The following DLEU7 variants were observed in gnomAD, a reference collection of about 807,000 sequenced individuals.
The protein encoded by DLEU7 is deleted in lymphocytic leukemia 7, also known as leukemia-associated protein 7.
A neutral mutation model predicts 16.0 loss-of-function variants in DLEU7; 17 were observed. The ratio of observed to expected loss-of-function variants is 1.06; its 90% CI spans 0.73 to 1.59. The LOEUF is 1.59. Among genes scored for constraint, DLEU7 ranks in the 40% most tolerant of loss-of-function variants. The pLI, the probability that DLEU7 is intolerant of heterozygous loss-of-function variation, is 0.00. For synonymous variants in DLEU7, 113 were observed against 139.8 expected (o/e 0.81, Z 1.35); for missense variants, 308 against 314.9 (o/e 0.98, Z 0.17).
intron 1 of DLEU7, among the ~76,000 whole-genome samples, chr13:50,768,691 A>T (rs1172560680): frequency 6.6e-6 from 1 of 152,166 alleles, no homozygotes; most frequent in Non-Finnish European, 1.5e-5. Context: ...TCATTTATGG[A>T]CATTTGGGTT....
At chr13:50,716,387 T>A (rs1445398187) in intron 1 of DLEU7, among the ~76,000 whole-genome samples, 1 of 152,236 alleles carries the variant, frequency 6.6e-6, no homozygotes, top group Non-Finnish European at 1.5e-5. Context: ...ATTATTTACA[T>A]GGAATAATGC....
intron 1 of DLEU7, among the ~76,000 whole-genome samples, chr13:50,730,539 C>T (rs865791854): frequency 2.2e-4 from 33 of 152,188 alleles, no homozygotes; most frequent in Middle Eastern, 3.4e-3. Flanking sequence ...GAGAGCAGTG[C>T]TTCCTCTAGA....
intron 1 of DLEU7, among the ~76,000 whole-genome samples, chr13:50,803,389 T>C (rs1157969315): frequency 6.6e-6 from 1 of 152,184 alleles, no homozygotes; most frequent in African/African-American, 2.4e-5. Context: ...TTTATTAGGT[T>C]GTTAGACATT....
chr13:50,817,167 C>A (rs1876759631), intron 1 of DLEU7, among the ~76,000 whole-genome samples: 1 of 152,024 alleles, frequency 6.6e-6, no homozygotes, highest in Non-Finnish European at 1.5e-5. Flanking sequence ...AAGTCTCCAC[C>A]AAGTCAAGGG....
intron 1 of DLEU7, among the ~76,000 whole-genome samples, chr13:50,729,315 G>A (rs142218724): frequency 1.3e-5 from 2 of 152,266 alleles, no homozygotes; most frequent in African/African-American, 4.8e-5. Context: ...AGTTCACTTA[G>A]GATAGTGACC....
intron 1 of DLEU7, among the ~76,000 whole-genome samples, chr13:50,746,954 T>C (rs1566236750): frequency 2.0e-5 from 3 of 150,912 alleles, no homozygotes; most frequent in Admixed American, 1.3e-4. Flanking sequence ...TTGTGGAACG[T>C]ACACACACAC....
At chr13:50,781,168 C>T (rs1803411372) in intron 1 of DLEU7, among the ~76,000 whole-genome samples, 1 of 152,206 alleles carries the variant, frequency 6.6e-6, no homozygotes, top group African/African-American at 2.4e-5. Context: ...ACTAAAACCT[C>T]TATACACTCA....
chr13:50,713,158 G>C, exon 2 of DLEU7: 13 of 1,587,880 alleles, frequency 8.2e-6, no homozygotes, highest in Non-Finnish European at 1.0e-5. Context: ...TCAGAATTTG[G>C]CACTGGTTAT....
rs1876118101 is a variant in DLEU7, at chr13:50,796,720, G to A, written c.459+46468C>T. ...AGGAAGTGAGGTGTGCTACTTCCAG[G>A]CCTGCTTATGAAAACCTCTTATGTC... On this transcript the variant is annotated intron_variant, in intron 1 of 1. Transcript: ENST00000400393. Among the ~76,000 whole-genome samples the A allele has an allele frequency of 3.3e-5, 5 of 152,050 alleles. No homozygotes were observed. The South Asian group carries it at 1.0e-3, about 32-fold the overall frequency.
chr13:50,745,528 C>T (rs1874368864), intron 1 of DLEU7, among the ~76,000 whole-genome samples: 1 of 152,000 alleles, frequency 6.6e-6, no homozygotes, highest in Non-Finnish European at 1.5e-5. Flanking sequence ...AAGCCATACA[C>T]TTAGAGGTAG....
chr13:50,799,232 A>G (rs928486581), intron 1 of DLEU7, among the ~76,000 whole-genome samples: 1 of 152,198 alleles, frequency 6.6e-6, no homozygotes, highest in African/African-American at 2.4e-5. Context: ...TACAACCTTC[A>G]AATAACACAG....
chr13:50,820,289 TAAG>T (rs1397703048), downstream of DLEU7, among the ~76,000 whole-genome samples: 1 of 151,204 alleles, frequency 6.6e-6, no homozygotes, highest in African/African-American at 2.4e-5. Flanking sequence ...GTTTTGCTGT[TAAG>T]AGGAGCAAAA....
intron 1 of DLEU7, among the ~76,000 whole-genome samples, chr13:50,834,722 A>G (rs1292318532): frequency 1.3e-5 from 2 of 152,196 alleles, no homozygotes; most frequent in Admixed American, 6.5e-5. Context: ...AGGTCATTCT[A>G]CTATAAACAC....
rs58395582 is a variant in DLEU7 at position 50,732,606 on chromosome 13, C to CAAAAAAAAAAAAAA, written c.460-19380_460-19367dup. On this transcript the variant is annotated intron_variant, in intron 1 of 1. Coordinates refer to the DLEU7 transcript ENST00000400393. The stretch of plus-strand genomic sequence containing the variant: ...CAGGCAACAGTATGAGACTCCATCT[C>CAAAAAAAAAAAAAA]AAAAAAAAAAAAAAAAAAAAGCTTA... 9.3e-4 allele frequency among the ~76,000 whole-genome samples: 61 copies of CAAAAAAAAAAAAAA among 65,918 alleles called. 5 individuals are homozygous for CAAAAAAAAAAAAAA. The highest frequency in any genetic ancestry group is 1.4e-3 in the South Asian group (2 of 1,480). The allele number at this position is 65,918 out of a possible 152,430, so 43.2% of individuals were successfully genotyped here.
chr13:50,767,443 G>A (rs1055063759), intron 1 of DLEU7, among the ~76,000 whole-genome samples: 7 of 128,882 alleles, frequency 5.4e-5, no homozygotes, highest in Admixed American at 8.4e-5. Context: ...GCGACAGAGC[G>A]AGACTCCGTC....
At chr13:50,732,278 C>T (rs1198572405) in intron 1 of DLEU7, among the ~76,000 whole-genome samples, 1 of 152,108 alleles carries the variant, frequency 6.6e-6, no homozygotes, top group Non-Finnish European at 1.5e-5. Context: ...TTTTAGTGAT[C>T]TCCATCACGT....
intron 1 of DLEU7, among the ~76,000 whole-genome samples, chr13:50,800,400 C>CA (rs1467707238): frequency 4.9e-4 from 75 of 152,204 alleles, no homozygotes; most frequent in African/African-American, 1.7e-3. Flanking sequence ...CCTTCAGTTT[C>CA]AAAAAATACA....
chr13:50,823,600 A>C, intron 1 of DLEU7, 80 bp from the exon 2 acceptor site: 1 of 1,473,502 alleles, frequency 6.8e-7, no homozygotes, highest in Non-Finnish European at 9.1e-7. Flanking sequence ...CCCAGCTTCC[A>C]TTCTTTTCTC....
At chr13:50,770,088 A>G (rs1875248903) in intron 1 of DLEU7, among the ~76,000 whole-genome samples, 1 of 152,118 alleles carries the variant, frequency 6.6e-6, no homozygotes, top group African/African-American at 2.4e-5. Context: ...TTATTGGTGT[A>G]TAGGAATGCT....
Sources: allele counts gnomAD v4.1 joint callset (sites outside exome capture counted in the v4.1 genomes callset), GRCh38; gene constraint gnomAD v4.1.1; transcripts MANE v1.5; gene names NCBI Gene and HGNC (gene_info 2026-07-23, HGNC 2026-07-21).